LSAMP: variants seen among roughly 807,000 people sequenced by gnomAD.
LSAMP encodes limbic system-associated membrane protein.
In LSAMP, 7 loss-of-function variants were observed where a neutral mutation model predicts 38.6. The observed-to-expected ratio is 0.18, with a 90% CI of 0.10 to 0.34. The LOEUF is 0.34. Ranked by LOEUF, LSAMP falls within the 10% of genes least tolerant of loss-of-function variation. LSAMP has a pLI of 1.00. For synonymous variants in LSAMP, 154 were observed against 166.8 expected (o/e 0.92, Z 0.59); for missense variants, 313 against 420.0 (o/e 0.75, Z 2.23).
chr3:116,233,925 A>G (rs1280048743), intron 1 of LSAMP, among the ~76,000 whole-genome samples: 1 of 152,192 alleles, frequency 6.6e-6, no homozygotes, highest in African/African-American at 2.4e-5. Flanking sequence ...AACATGCTCT[A>G]TGATCTGCAG....
chr3:116,100,810 T>C (rs1449753808), intron 1 of LSAMP, among the ~76,000 whole-genome samples: 2 of 152,202 alleles, frequency 1.3e-5, no homozygotes, highest in African/African-American at 4.8e-5. Flanking sequence ...TACACTCCTT[T>C]TGCTATGAAT....
rs1920362 is a variant in LSAMP at position 116,094,388 on chromosome 3, A to G, written c.156-7832T>C. 1.0e-2 allele frequency among the ~76,000 whole-genome samples: 1,518 copies of G among 152,294 alleles called. 21 individuals are homozygous for G. Among genetic ancestry groups the G allele is most frequent in the African/African-American group, 0.033 (1,368 of 41,554 alleles). On this transcript the variant is annotated intron_variant, in intron 1 of 6. Transcript: ENST00000490035. ...TGGTGTCATTCTCTTGCTCTTGTGC[A>G]TGTCTGTTCTCCTCATCTTCATTCC...
rs117250794 is a variant in LSAMP at position 115,993,043 on chromosome 3, C to T, written c.514+26472G>A. Among the ~76,000 whole-genome samples, 308 of 152,228 alleles carry T rather than the reference C, an allele frequency of 2.0e-3. 12 individuals are homozygous for T. The East Asian group carries it at 0.051, about 25-fold the overall frequency. On this transcript the variant is annotated intron_variant, in intron 3 of 6. Coordinates refer to ENST00000490035, the MANE Select transcript of LSAMP (RefSeq NM_002338.5). ...ATTGCATAGACATCTGGCTTCAAAG[C>T]TATGTATGCCTAAGTAGTTTTTACT...
chr3:115,921,674 T>C (rs936127594), intron 3 of LSAMP, among the ~76,000 whole-genome samples: 5 of 152,130 alleles, frequency 3.3e-5, no homozygotes, highest in African/African-American at 1.2e-4. Flanking sequence ...GATGTTGTCA[T>C]ATGGCATTCT....
intron 3 of LSAMP, among the ~76,000 whole-genome samples, chr3:115,987,907 A>T (rs1378472169): frequency 6.6e-6 from 1 of 152,200 alleles, no homozygotes; most frequent in African/African-American, 2.4e-5. Context: ...CTTCAAATTC[A>T]TCCAGCAGGT....
chr3:115,927,129 C>T (rs531719655), intron 3 of LSAMP, among the ~76,000 whole-genome samples: 67 of 152,180 alleles, frequency 4.4e-4, no homozygotes, highest in African/African-American at 1.6e-3. Flanking sequence ...TATATTCAAC[C>T]CCACGCTTGC....
intron 6 of LSAMP, among the ~76,000 whole-genome samples, chr3:115,836,681 G>GAGATGT (rs141321217): frequency 0.12 from 18,347 of 152,154 alleles, 2,111 homozygotes; most frequent in African/African-American, 0.31. Context: ...GAGGGGAGGC[G>GAGATGT]AGATGTATCC....
chr3:116,105,683 G>A (rs1270274880), intron 1 of LSAMP, among the ~76,000 whole-genome samples: 1 of 152,138 alleles, frequency 6.6e-6, no homozygotes, highest in Non-Finnish European at 1.5e-5. Flanking sequence ...AGGCGGGGCA[G>A]GGCCTTTTCA....
At chr3:116,288,209 C>A (rs1230911706) in intron 1 of LSAMP, among the ~76,000 whole-genome samples, 1 of 152,196 alleles carries the variant, frequency 6.6e-6, no homozygotes, top group Non-Finnish European at 1.5e-5. Flanking sequence ...AGGTGGCACT[C>A]ATGCTCTCTT....
chr3:116,445,226 T>C lies in LSAMP; in HGVS notation c.-195A>G. The C allele has an allele frequency of 1.7e-6, 1 of 598,000 alleles. No individual in the cohort carries two copies. Among genetic ancestry groups the C allele is most frequent in the Middle Eastern group, 4.4e-4 (1 of 2,248 alleles). 37.0% of individuals were successfully genotyped at this position (598,000 alleles called of 1,614,324 possible). On this transcript the variant is annotated 5_prime_UTR_variant, in exon 1 of 7. Coordinates refer to ENST00000490035, the MANE Select transcript of LSAMP (RefSeq NM_002338.5). ...TTCCCTCTAAGACTTAACAAAGCCCTCATAAAACCCAAGCAGAAGGGTGAA... is the reference window on the plus strand; with the variant it reads ...TTCCCTCTAAGACTTAACAAAGCCCCCATAAAACCCAAGCAGAAGGGTGAA...
intron 3 of LSAMP, among the ~76,000 whole-genome samples, chr3:115,996,326 A>G (rs1939814331): frequency 6.6e-6 from 1 of 152,156 alleles, no homozygotes; most frequent in South Asian, 2.1e-4. Context: ...GCATCCAGTT[A>G]GTGAGTTCTA....
intron 3 of LSAMP, among the ~76,000 whole-genome samples, chr3:115,995,160 G>A (rs1939780005): frequency 6.6e-6 from 1 of 152,022 alleles, no homozygotes; most frequent in African/African-American, 2.4e-5. Flanking sequence ...TCAAAACAAG[G>A]AAAGAAGCCT....
At chr3:115,821,960 A>C (rs1219747263) in intron 6 of LSAMP, among the ~76,000 whole-genome samples, 1 of 152,200 alleles carries the variant, frequency 6.6e-6, no homozygotes, top group Non-Finnish European at 1.5e-5. Flanking sequence ...TTATAATTAT[A>C]GTGGCTTAAA....
chr3:116,444,810 AAACACACACACAC>A (rs2049485882), intron 1 of LSAMP, 54 bp downstream of exon 1: 4 of 986,848 alleles, frequency 4.1e-6, no homozygotes, highest in East Asian at 8.3e-5. Flanking sequence ...ACACACACAC[AAACACACACACAC>A]ACACACACAC....
chr3:115,992,758 T>C (rs1293368106), intron 3 of LSAMP, among the ~76,000 whole-genome samples: 1 of 152,120 alleles, frequency 6.6e-6, no homozygotes, highest in Non-Finnish European at 1.5e-5. Flanking sequence ...AGTAAATTTA[T>C]GACAACAATA....
rs138325222 is a variant in LSAMP at position 116,288,050 on chromosome 3, C to A, written c.155+156827G>T. ...TTTAAAAAAAAGTAAGATACTATGA[C>A]CATATCAAAGAAGGCAGGTATGTTT... On this transcript the variant is annotated intron_variant, in intron 1 of 6. Coordinates refer to ENST00000490035, the MANE Select transcript of LSAMP (RefSeq NM_002338.5). Among the ~76,000 whole-genome samples the A allele has an allele frequency of 1.4e-3, 220 of 152,246 alleles. 2 individuals are homozygous for A. Among genetic ancestry groups the A allele is most frequent in the African/African-American group, 5.0e-3 (206 of 41,536 alleles).
At chr3:116,413,559 C>T (rs1454156621) in intron 1 of LSAMP, among the ~76,000 whole-genome samples, 1 of 151,978 alleles carries the variant, frequency 6.6e-6, no homozygotes, top group Admixed American at 6.6e-5. Context: ...TAGATACTCA[C>T]TTAACCCAAT....
chr3:115,940,997 C>T (rs144841824), intron 3 of LSAMP, among the ~76,000 whole-genome samples: 267 of 152,072 alleles, frequency 1.8e-3, no homozygotes, highest in African/African-American at 6.2e-3. Flanking sequence ...AATAGGCAAC[C>T]TACAGAATGA....
At chr3:115,818,823 A>ATATATATATATATATATAT (rs1934129422) in intron 6 of LSAMP, among the ~76,000 whole-genome samples, 4 of 44,238 alleles carry the variant, frequency 9.0e-5, no homozygotes, top group Non-Finnish European at 1.7e-4. Context: ...TATATATATA[A>ATATATATATATATATATAT]CTGCAGCAAC....
Sources: allele counts gnomAD v4.1 joint callset (sites outside exome capture counted in the v4.1 genomes callset), GRCh38; gene constraint gnomAD v4.1.1; transcripts MANE v1.5; gene names NCBI Gene and HGNC (gene_info 2026-07-23, HGNC 2026-07-21).